Variants in MALT1 observed in about 807,000 individuals in gnomAD.
MALT1 encodes the protein MALT1 paracaspase, also known as mucosa-associated lymphoid tissue lymphoma translocation protein 1.
In MALT1, 36 loss-of-function variants were observed where a neutral mutation model predicts 85.5. The ratio of observed to expected loss-of-function variants is 0.42; its 90% confidence interval spans 0.32 to 0.56. MALT1 has a LOEUF of 0.56. MALT1 is among the 20% of genes least tolerant of loss of function. MALT1 has a pLI of 0.10. For missense variants in MALT1, 716 were observed against 981.6 expected (o/e 0.73, Z 3.62); for synonymous variants, 359 against 361.3 (o/e 0.99, Z 0.07).
At chr18:58,720,514 G>A (rs1173065076) in intron 9 of MALT1, among the ~76,000 whole-genome samples, 2 of 152,154 alleles carry the variant, frequency 1.3e-5, no homozygotes, top group Non-Finnish European at 2.9e-5. Context: ...AATTATCATT[G>A]GAGGAAAATT....
chr18:58,719,421 C>T (rs1336982028), intron 9 of MALT1, among the ~76,000 whole-genome samples: 3 of 152,142 alleles, frequency 2.0e-5, no homozygotes, highest in Non-Finnish European at 4.4e-5. Context: ...CAACTTCTTT[C>T]TCTTCGTTTC....
intron 2 of MALT1, among the ~76,000 whole-genome samples, chr18:58,684,756 A>G (rs1349251987): frequency 6.6e-6 from 1 of 152,104 alleles, no homozygotes; most frequent in Non-Finnish European, 1.5e-5. Flanking sequence ...AACTTACTCT[A>G]TTTATAGATA....
chr18:58,688,998 A>C (rs941557193), intron 2 of MALT1, among the ~76,000 whole-genome samples: 1 of 152,090 alleles, frequency 6.6e-6, no homozygotes, highest in Non-Finnish European at 1.5e-5. Flanking sequence ...CAAAAAATGC[A>C]AAAATTAGCC....
intron 1 of MALT1, 117 bp from the exon 2 acceptor site, chr18:58,681,053 C>A: frequency 1.4e-6 from 1 of 740,156 alleles, no homozygotes; most frequent in Non-Finnish European, 2.2e-6. Flanking sequence ...AATAGTTTGT[C>A]ACCACCCACC....
At chr18:58,681,092 A>G (rs922282746) in intron 1 of MALT1, 78 bp from the exon 2 acceptor site, 2 of 1,322,186 alleles carry the variant, frequency 1.5e-6, no homozygotes, top group African/African-American at 2.9e-5. Flanking sequence ...TCCATACAGC[A>G]CCACCGTGGT....
chr18:58,674,711 A>AT, intron 1 of MALT1, among the ~76,000 whole-genome samples: 1 of 152,064 alleles, frequency 6.6e-6, no homozygotes, highest in East Asian at 1.9e-4. Context: ...TCCTAAAGGT[A>AT]TTTTTTCTCT....
chr18:58,737,771 T>C (rs1037491029), intron 13 of MALT1, among the ~76,000 whole-genome samples: 3 of 151,930 alleles, frequency 2.0e-5, no homozygotes, highest in Non-Finnish European at 2.9e-5. Context: ...TTGGTAGAGA[T>C]AGGGTTTCGC....
chr18:58,685,037 T>C (rs1245037207), intron 2 of MALT1, among the ~76,000 whole-genome samples: 1 of 152,192 alleles, frequency 6.6e-6, no homozygotes, highest in Admixed American at 6.5e-5. Flanking sequence ...GACAAACATA[T>C]AAAAGATCAT....
intron 1 of MALT1, among the ~76,000 whole-genome samples, chr18:58,678,779 T>C (rs1389470021): frequency 3.3e-5 from 5 of 152,214 alleles, no homozygotes; most frequent in Non-Finnish European, 7.3e-5. Flanking sequence ...AATATATCCT[T>C]GCTGGCCACT....
chr18:58,720,015 A>G (rs1469183391), intron 9 of MALT1, among the ~76,000 whole-genome samples: 1 of 152,246 alleles, frequency 6.6e-6, no homozygotes, highest in Admixed American at 6.5e-5. Flanking sequence ...ATATAACACC[A>G]GTTTTTGAAG....
chr18:58,737,968 G>A (rs1300579401), intron 13 of MALT1, among the ~76,000 whole-genome samples: 1 of 152,158 alleles, frequency 6.6e-6, no homozygotes, highest in East Asian at 1.9e-4. Context: ...AATCTGTAAC[G>A]TGACTTTTAT....
intron 3 of MALT1, among the ~76,000 whole-genome samples, chr18:58,698,672 C>T (rs773054924): frequency 2.6e-5 from 4 of 152,088 alleles, no homozygotes; most frequent in Non-Finnish European, 5.9e-5. Context: ...GACAGATTAA[C>T]GGAGAAAAAG....
chr18:58,674,335 CAG>C (rs1266559047), intron 1 of MALT1, among the ~76,000 whole-genome samples: 1 of 152,208 alleles, frequency 6.6e-6, no homozygotes, highest in African/African-American at 2.4e-5. Context: ...TGGAGTCACA[CAG>C]AGAGAAGGGG....
intron 10 of MALT1, among the ~76,000 whole-genome samples, chr18:58,732,208 A>C (rs2055159986): frequency 6.6e-6 from 1 of 152,196 alleles, no homozygotes; most frequent in Admixed American, 6.5e-5. Flanking sequence ...GAGCAAAATC[A>C]GTGGGCTCCA....
At chr18:58,730,536 T>C (rs879480239) in intron 10 of MALT1, among the ~76,000 whole-genome samples, 3 of 148,304 alleles carry the variant, frequency 2.0e-5, no homozygotes, top group Non-Finnish European at 4.4e-5. Flanking sequence ...ATTTTGTTTA[T>C]CCATTTATCA....
At chr18:58,696,541 A>T in intron 3 of MALT1, 54 bp downstream of exon 3, 6 of 1,357,436 alleles carry the variant, frequency 4.4e-6, no homozygotes, top group Non-Finnish European at 6.0e-6. Flanking sequence ...ATGATAGAGA[A>T]TTAATTAACA....
At chr18:58,691,969 G>C (rs2054509445) in intron 2 of MALT1, 1 of 150,504 alleles carries the variant, frequency 6.6e-6, no homozygotes, top group Non-Finnish European at 1.5e-5. Context: ...GCTTGAACCT[G>C]GGAGATAGAG....
In MALT1 at chr18:58,745,734, A is replaced by G. The variant is rs143922859; in HGVS notation, c.1980A>G (p.Ser660=). 1,154 of 1,613,778 alleles carry G rather than the reference A, an allele frequency of 7.2e-4. 15 individuals carry two copies. The East Asian group carries it at 0.018, about 25-fold the overall frequency. Residue 660 remains serine, a synonymous_variant, in exon 16 of 17, where the codon TCA becomes TCG. Transcript: ENST00000649217. ...TPEETGSYLV[S]KDLPKHCLYT... ...AAGAAACTGGCAGCTACTTGGTATC[A>G]AAGGATCTTCCCAAGCATTGCCTCT...
At chr18:58,698,218 C>T (rs1418266861) in intron 3 of MALT1, among the ~76,000 whole-genome samples, 1 of 151,826 alleles carries the variant, frequency 6.6e-6, no homozygotes, top group Non-Finnish European at 1.5e-5. Flanking sequence ...AGGCGCGCAT[C>T]ACCACGCCCA....
Sources: allele counts gnomAD v4.1 joint callset (sites outside exome capture counted in the v4.1 genomes callset), GRCh38; gene constraint gnomAD v4.1.1; transcripts MANE v1.5; gene names NCBI Gene and HGNC (gene_info 2026-07-23, HGNC 2026-07-21).